The following FMN1 variants were observed in gnomAD, a reference collection of about 807,000 sequenced individuals.
The protein encoded by FMN1 is formin-1.
A neutral mutation model predicts 132.4 loss-of-function variants in FMN1; 110 were observed. That is an observed-to-expected ratio of 0.83 (90% CI 0.71 to 0.97). The LOEUF (loss-of-function observed/expected upper bound fraction) is 0.97, where lower values mean the gene tolerates loss of function less well. Among genes scored for constraint, FMN1 ranks in the 50% least tolerant of loss-of-function variants. The pLI is 0.00. For missense variants in FMN1, 1,792 were observed against 1,705.3 expected (o/e 1.05, Z -0.90); for synonymous variants, 722 against 651.7 (o/e 1.11, Z -1.64).
At chr15:33,125,765 T>G (rs989982081) in intron 4 of FMN1, among the ~76,000 whole-genome samples, 7 of 152,216 alleles carry the variant, frequency 4.6e-5, no homozygotes, top group Admixed American at 6.5e-5. Context: ...TGGTGAAATT[T>G]TGGTAAAAAC....
At chr15:33,090,805 C>T (rs951958059) in intron 4 of FMN1, among the ~76,000 whole-genome samples, 1 of 152,144 alleles carries the variant, frequency 6.6e-6, no homozygotes, top group African/African-American at 2.4e-5. Flanking sequence ...CTGCTTAGCA[C>T]CTTTGCTTTA....
intron 5 of FMN1, 119 bp downstream of exon 5, chr15:33,088,680 T>A (rs2038792878): frequency 2.2e-6 from 2 of 913,108 alleles, no homozygotes; most frequent in Non-Finnish European, 3.1e-6. Context: ...TGATTTTTTT[T>A]AAACAATGAT....
At chr15:32,902,507 A>G (rs148804949) in intron 12 of FMN1, among the ~76,000 whole-genome samples, 2 of 152,350 alleles carry the variant, frequency 1.3e-5, no homozygotes, top group African/African-American at 4.8e-5. Flanking sequence ...ATCTCTTACT[A>G]AAGTGATATT....
At chr15:32,898,914 T>C in intron 14 of FMN1, 21 bp from the exon 15 acceptor site, 2 of 1,505,428 alleles carry the variant, frequency 1.3e-6, no homozygotes, top group African/African-American at 1.4e-5. Context: ...AAGAGAAATG[T>C]ACATGAAAAT....
chr15:32,964,170 G>C lies in FMN1; in HGVS notation c.3075C>G (p.Asp1025Glu), dbSNP rs200340825. 6.2e-6 allele frequency: 10 copies of C among 1,612,798 alleles called. No individual in the cohort carries two copies. The highest frequency in any genetic ancestry group is 5.1e-6 in the Non-Finnish European group (6 of 1,179,252). ...GAGGTTTTTTCTTCTGTTGAGTTGT[G>C]TCTTTGGAGAATAAATACTCAAATT... Reference protein sequence around the residue: ...PSEFEYLFSKDTTQQKKKPLS... With the variant: ...PSEFEYLFSKETTQQKKKPLS... The change falls in exon 9 of 21, where the codon GAC (aspartate) becomes GAG (glutamate). Residue 1025 changes from aspartate (D) to glutamate (E), a missense_variant. This residue lies in a region of FMN1 where 1,150 missense variants were observed against 1,043.1 expected (regional missense o/e 1.10). Coordinates refer to ENST00000616417, the MANE Select transcript of FMN1 (RefSeq NM_001277313.2).
chr15:32,932,859 G>T (rs11858697), intron 9 of FMN1, among the ~76,000 whole-genome samples: 4,636 of 152,008 alleles, frequency 0.03, 243 homozygotes, highest in African/African-American at 0.11. Context: ...CTCTCATTTT[G>T]TATATACTTG....
intron 17 of FMN1, among the ~76,000 whole-genome samples, chr15:32,851,022 C>CACT (rs61413709): frequency 0.013 from 2,034 of 152,070 alleles, 41 homozygotes; most frequent in African/African-American, 0.047. Flanking sequence ...CGCGCCACTG[C>CACT]ACTACAGCCT....
intron 20 of FMN1, among the ~76,000 whole-genome samples, chr15:32,776,168 T>C (rs2056410919): frequency 1.3e-5 from 2 of 152,370 alleles, no homozygotes; most frequent in South Asian, 4.1e-4. Context: ...GGCAGAGCTG[T>C]GATCTGAACC....
chr15:32,819,501 T>C (rs1567219163), intron 17 of FMN1, among the ~76,000 whole-genome samples: 1 of 152,204 alleles, frequency 6.6e-6, no homozygotes, highest in Non-Finnish European at 1.5e-5. Context: ...GAGTGAACAT[T>C]TTATACCTGA....
intron 13 of FMN1, 42 bp downstream of exon 13, chr15:32,901,869 C>T: frequency 6.4e-7 from 1 of 1,557,270 alleles, no homozygotes. Flanking sequence ...CTTCTTTACT[C>T]TTCAGAGCAA....
intron 9 of FMN1, among the ~76,000 whole-genome samples, chr15:32,934,015 T>C (rs549449291): frequency 1.3e-5 from 2 of 152,268 alleles, no homozygotes; most frequent in South Asian, 4.1e-4. Flanking sequence ...TTATTGCTAA[T>C]TTGTTCATTG....
chr15:33,039,996 TCCC>T (rs888890683), intron 6 of FMN1, among the ~76,000 whole-genome samples: 6 of 152,034 alleles, frequency 3.9e-5, no homozygotes, highest in African/African-American at 1.2e-4. Context: ...TTTCAGTGGC[TCCC>T]CCAGCTGTCT....
rs917820894 is a variant in FMN1, at chr15:32,969,089, G to A, written c.2612C>T (p.Pro871Leu). The change falls in exon 8 of 21, where the codon CCT (proline) becomes CTT (leucine). Residue 871 changes from proline to leucine, a missense_variant. By Grantham distance (98) the Pro-to-Leu change is moderately conservative. Transcript: ENST00000616417. ...ASNQQKALPP[P>L]PASIPPPPPL... ...CGGAGGGGGAGGGATGGATGCGGGA[G>A]GCGGAGGCAATGCCTTCTGCTGATT... is the stretch of plus-strand genomic sequence containing the variant. 4 of 1,607,074 alleles carry A rather than the reference G, an allele frequency of 2.5e-6. No homozygotes were observed. The Admixed American group carries it at 5.0e-5, about 20-fold the overall frequency.
chr15:32,938,912 A>G (rs990222399), intron 9 of FMN1, among the ~76,000 whole-genome samples: 7 of 152,206 alleles, frequency 4.6e-5, no homozygotes, highest in African/African-American at 1.7e-4. Flanking sequence ...GGCTGGTACA[A>G]TACAAATACA....
At chr15:32,944,829 G>A (rs1398549571) in intron 9 of FMN1, among the ~76,000 whole-genome samples, 1 of 152,110 alleles carries the variant, frequency 6.6e-6, no homozygotes, top group African/African-American at 2.4e-5. Flanking sequence ...CTGATTTTGT[G>A]TAATGTAGAA....
chr15:32,967,013 G>A (rs1309118252), intron 8 of FMN1, among the ~76,000 whole-genome samples: 1 of 152,168 alleles, frequency 6.6e-6, no homozygotes, highest in East Asian at 1.9e-4. Flanking sequence ...CATCATAGAG[G>A]GGCAGCCCCC....
rs1382777054 is a variant in FMN1, at chr15:32,767,586, A to G, written c.*6724T>C. The G allele has an allele frequency of 6.6e-6, 1 of 152,122 alleles. No individual in the cohort carries two copies. The highest frequency in any genetic ancestry group is 1.5e-5 in the Non-Finnish European group (1 of 68,036). 9.4% of individuals were successfully genotyped at this position (152,122 alleles called of 1,614,324 possible). A position where few individuals can be genotyped will look rare whatever the true frequency, so the allele number is the denominator to read the frequency against. On this transcript the variant is annotated 3_prime_UTR_variant, in exon 21 of 21. Transcript: ENST00000616417. ...TCTAAAGATTCTTAAAAATTATCCA[A>G]TTTCTAATTTTAAAAGTTTCTGCCT...
intron 7 of FMN1, among the ~76,000 whole-genome samples, chr15:32,990,743 G>A (rs190043384): frequency 6.6e-6 from 1 of 152,234 alleles, no homozygotes; most frequent in East Asian, 1.9e-4. Context: ...ACATGCCTGT[G>A]GAGGCCTCAG....
At chr15:33,074,719 T>C (rs1180056740) in intron 5 of FMN1, among the ~76,000 whole-genome samples, 2 of 151,960 alleles carry the variant, frequency 1.3e-5, no homozygotes. Flanking sequence ...TGTGCATAGT[T>C]AAGAACAGGA....
Sources: gnomAD v4.1 joint callset for allele counts (sites outside exome capture counted in the v4.1 genomes callset) on GRCh38, gnomAD v4.1.1 for gene constraint, gnomAD v4.1.1 regional missense constraint, MANE v1.5 for transcripts, NCBI Gene and HGNC (gene_info 2026-07-23, HGNC 2026-07-21) for gene names.